Variants in SLC38A6 observed in about 807,000 individuals in gnomAD.
SLC38A6 encodes the protein solute carrier family 38 member 6.
SLC38A6 carries 73 observed loss-of-function variants against 65.0 expected under a neutral mutation model. That is an observed-to-expected ratio of 1.12 (90% confidence interval 0.93 to 1.37). The LOEUF (loss-of-function observed/expected upper bound fraction) is 1.37, where lower values mean the gene tolerates loss of function less well. SLC38A6 is among the 40% of genes most tolerant of loss of function. The pLI is 0.00. For synonymous variants in SLC38A6, 183 were observed against 178.8 expected, an observed-to-expected ratio of 1.02 and a Z score of -0.19; for missense variants, 561 against 531.1, an observed-to-expected ratio of 1.06 and a Z score of -0.55.
intron 16 of SLC38A6, among the ~76,000 whole-genome samples, chr14:61,081,078 G>A (rs547886996): frequency 2.0e-5 from 3 of 147,846 alleles, no homozygotes; most frequent in Admixed American, 6.8e-5. Flanking sequence ...CAGCAATGGT[G>A]GCTAATCATG....
At chr14:60,998,708 G>T (rs1418807211) in intron 3 of SLC38A6, among the ~76,000 whole-genome samples, 1 of 152,204 alleles carries the variant, frequency 6.6e-6, no homozygotes, top group Non-Finnish European at 1.5e-5. Flanking sequence ...TTCAGGAGTT[G>T]CAGGCATGTA....
At chr14:61,015,151 G>T (rs1020391792) in intron 3 of SLC38A6, among the ~76,000 whole-genome samples, 1 of 152,190 alleles carries the variant, frequency 6.6e-6, no homozygotes, top group Non-Finnish European at 1.5e-5. Flanking sequence ...AGCAATGAGC[G>T]AGGCTCCGTG....
At chr14:61,022,229 C>T (rs1314755697) in intron 5 of SLC38A6, among the ~76,000 whole-genome samples, 1 of 152,106 alleles carries the variant, frequency 6.6e-6, no homozygotes. Context: ...AAATCAATAA[C>T]TATTGCCCTA....
In SLC38A6 at chr14:61,037,652, C is replaced by A. The variant is rs983528381; in HGVS notation, c.593C>A (p.Ser198Ter). The A allele has an allele frequency of 1.3e-6, 2 of 1,593,740 alleles. No individual in the cohort carries two copies. The highest frequency in any genetic ancestry group is 3.4e-5 in the Admixed American group (2 of 58,696). ...IGFLGYTSSL[S>*]FFFMMFFALV... Reference sequence around the variant, plus strand: ...TTTCTTGGCTACACAAGTAGTTTATCATTTTTCTTTATGATGTTCTTTGCT... The same window carrying A: ...TTTCTTGGCTACACAAGTAGTTTATAATTTTTCTTTATGATGTTCTTTGCT... Residue 198 changes from serine (S) to a stop codon, truncating the protein, a stop_gained, in exon 8 of 16, where the codon TCA (serine) becomes TAA (stop). Coordinates refer to ENST00000267488, the MANE Select transcript of SLC38A6 (RefSeq NM_153811.3). LOFTEE classifies it high-confidence loss of function.
At chr14:60,986,522 A>G (rs530040108) in intron 3 of SLC38A6, among the ~76,000 whole-genome samples, 3 of 152,342 alleles carry the variant, frequency 2.0e-5, no homozygotes, top group South Asian at 4.1e-4. Flanking sequence ...TTTGCTCTCA[A>G]GGGGCTTGGG....
chr14:61,037,543 C>A, intron 7 of SLC38A6, 82 bp from the exon 8 acceptor site: 1 of 943,426 alleles, frequency 1.1e-6, no homozygotes, highest in Non-Finnish European at 1.6e-6. Flanking sequence ...TAATAGAAAA[C>A]ATGCCTAAGA....
intron 13 of SLC38A6, among the ~76,000 whole-genome samples, chr14:61,051,111 A>G (rs1331459891): frequency 1.3e-5 from 2 of 152,216 alleles, no homozygotes; most frequent in Non-Finnish European, 2.9e-5. Context: ...ACAGATTTTC[A>G]TTGCATCTGG....
At chr14:61,050,303 T>C (rs2139855925) in intron 12 of SLC38A6, among the ~76,000 whole-genome samples, 1 of 152,274 alleles carries the variant, frequency 6.6e-6, no homozygotes, top group South Asian at 2.1e-4. Flanking sequence ...GAGGTTCTGC[T>C]TATTCTGGTT....
intron 16 of SLC38A6, among the ~76,000 whole-genome samples, chr14:61,080,241 C>T (rs1033404149): frequency 7.2e-5 from 11 of 152,310 alleles, no homozygotes; most frequent in Middle Eastern, 3.4e-3. Context: ...AGGACACCCA[C>T]CCACTATACA....
intron 15 of SLC38A6, among the ~76,000 whole-genome samples, chr14:61,062,663 G>C (rs1245264104): frequency 6.6e-6 from 1 of 151,840 alleles, no homozygotes; most frequent in Non-Finnish European, 1.5e-5. Context: ...ATTCTTTTTA[G>C]ATTTTATATT....
chr14:61,002,384 G>A (rs1296551403), intron 3 of SLC38A6: 1 of 151,970 alleles, frequency 6.6e-6, no homozygotes, highest in Admixed American at 6.6e-5. Context: ...AGAAAGACAA[G>A]AATTTCAAAA....
intron 4 of SLC38A6, among the ~76,000 whole-genome samples, chr14:61,018,317 C>G (rs2040139831): frequency 6.6e-6 from 1 of 152,148 alleles, no homozygotes; most frequent in Non-Finnish European, 1.5e-5. Context: ...CATTTTGGAA[C>G]TAAGTTTTAC....
chr14:61,078,615 A>G (rs2043514582), intron 15 of SLC38A6, among the ~76,000 whole-genome samples: 1 of 152,094 alleles, frequency 6.6e-6, no homozygotes, highest in Non-Finnish European at 1.5e-5. Context: ...AGGGCTAGTT[A>G]TCTAAAAACC....
intron 8 of SLC38A6, among the ~76,000 whole-genome samples, chr14:61,038,987 A>C (rs901564246): frequency 3.3e-5 from 5 of 152,218 alleles, no homozygotes; most frequent in Admixed American, 2.6e-4. Flanking sequence ...TACATATGCA[A>C]ATGAATGTAT....
chr14:61,029,789 A>C (rs913810975), intron 5 of SLC38A6, among the ~76,000 whole-genome samples: 3 of 152,196 alleles, frequency 2.0e-5, no homozygotes, highest in Admixed American at 1.3e-4. Flanking sequence ...AATGGAATAA[A>C]AGTTGGAAGT....
intron 15 of SLC38A6, among the ~76,000 whole-genome samples, chr14:61,069,429 A>G (rs1383893094): frequency 5.9e-5 from 9 of 152,026 alleles, no homozygotes; most frequent in Non-Finnish European, 1.3e-4. Flanking sequence ...CCACTAAGCT[A>G]TATTTGAGCC....
chr14:61,007,343 G>T (rs74474686), intron 3 of SLC38A6, among the ~76,000 whole-genome samples: 8 of 67,688 alleles, frequency 1.2e-4, no homozygotes, highest in African/African-American at 2.3e-4. Flanking sequence ...TAAAATAAAA[G>T]AACAGACCAG....
At chr14:61,021,596 G>A (rs1322243524) in intron 5 of SLC38A6, among the ~76,000 whole-genome samples, 1 of 152,118 alleles carries the variant, frequency 6.6e-6, no homozygotes, top group Non-Finnish European at 1.5e-5. Context: ...TAAATCATGA[G>A]TTTTCCCAAC....
At chr14:61,075,800 TG>T (rs2043387226) in intron 15 of SLC38A6, among the ~76,000 whole-genome samples, 1 of 149,886 alleles carries the variant, frequency 6.7e-6, no homozygotes, top group Non-Finnish European at 1.5e-5. Context: ...TGTGTGTGTG[TG>T]TGTGTGTGTG....
Sources: allele counts gnomAD v4.1 joint callset (sites outside exome capture counted in the v4.1 genomes callset), GRCh38; gene constraint gnomAD v4.1.1; transcripts MANE v1.5; gene names NCBI Gene and HGNC (gene_info 2026-07-23, HGNC 2026-07-21).